MICAL3: variants seen among roughly 807,000 people sequenced by gnomAD.
MICAL3 encodes microtubule associated monooxygenase, calponin and LIM domain containing 3.
Under a neutral mutation model 207.4 loss-of-function variants are expected in MICAL3, and 62 were observed. That is an observed-to-expected ratio of 0.30 (90% CI 0.24 to 0.37). MICAL3 has a LOEUF of 0.37. MICAL3 is among the 10% of genes least tolerant of loss of function. The pLI, the probability that MICAL3 is intolerant of heterozygous loss-of-function variation, is 1.00. For missense variants in MICAL3, 2,368 were observed against 2,635.6 expected (o/e 0.90, Z 2.22); for synonymous variants, 1,077 against 1,069.3 (o/e 1.01, Z -0.14).
chr22:17,924,340 C>T (rs893218886), intron 1 of MICAL3, among the ~76,000 whole-genome samples: 1 of 152,168 alleles, frequency 6.6e-6, no homozygotes, highest in South Asian at 2.1e-4. Context: ...TCTCACCCCT[C>T]GGACCAGTTC....
chr22:17,794,471 G>A (rs770892479), intron 29 of MICAL3, among the ~76,000 whole-genome samples: 5 of 152,254 alleles, frequency 3.3e-5, no homozygotes, highest in Admixed American at 2.0e-4. Context: ...CACGCCATCC[G>A]GTGACGGGCC....
chr22:17,806,422 T>C (rs1224118943), intron 29 of MICAL3, among the ~76,000 whole-genome samples: 1 of 150,672 alleles, frequency 6.6e-6, no homozygotes, highest in Non-Finnish European at 1.5e-5. Flanking sequence ...GAATAGGAAC[T>C]GCTGTTAGAT....
chr22:17,961,409 C>T (rs1230033606), intron 1 of MICAL3, among the ~76,000 whole-genome samples: 1 of 152,174 alleles, frequency 6.6e-6, no homozygotes, highest in Non-Finnish European at 1.5e-5. Flanking sequence ...GCGTCAGCCC[C>T]GGGCAACAGA....
intron 17 of MICAL3, among the ~76,000 whole-genome samples, chr22:17,870,428 G>A (rs1319749255): frequency 6.6e-6 from 1 of 152,106 alleles, no homozygotes; most frequent in African/African-American, 2.4e-5. Context: ...CTCTTCATGG[G>A]TCTCATCCCC....
chr22:17,895,607 G>C (rs1930759254), intron 9 of MICAL3, among the ~76,000 whole-genome samples, 197 bp from the exon 10 acceptor site: 2 of 151,914 alleles, frequency 1.3e-5, no homozygotes, highest in South Asian at 2.1e-4. Context: ...AACCGACCGG[G>C]TAAGAGCCGA....
intron 27 of MICAL3, among the ~76,000 whole-genome samples, chr22:17,816,431 A>G (rs2277831): frequency 0.33 from 49,523 of 152,194 alleles, 8,441 homozygotes; most frequent in African/African-American, 0.35. Flanking sequence ...GGAGTGTGAC[A>G]CAGGAATGGC....
At chr22:18,001,269 C>T (rs1922979883) in intron 1 of MICAL3, 1 of 152,066 alleles carries the variant, frequency 6.6e-6, no homozygotes, top group South Asian at 2.1e-4. Context: ...CTCGCGGGGC[C>T]ACCCGCTCCA....
intron 1 of MICAL3, among the ~76,000 whole-genome samples, chr22:17,995,997 C>CA (rs1302902809): frequency 1.3e-5 from 2 of 151,756 alleles, no homozygotes; most frequent in East Asian, 3.9e-4. Context: ...CCCATCTCTA[C>CA]AAAAAATTTT....
chr22:17,865,083 A>G, intron 18 of MICAL3, 97 bp from the exon 19 acceptor site: 1 of 795,874 alleles, frequency 1.3e-6, no homozygotes. Context: ...GCTGGTTTTA[A>G]ATTTTATTTA....
intron 19 of MICAL3, among the ~76,000 whole-genome samples, chr22:17,846,826 G>A (rs1180840158): frequency 6.6e-6 from 1 of 152,144 alleles, no homozygotes; most frequent in African/African-American, 2.4e-5. Flanking sequence ...CAGGTCACAG[G>A]GAGGCCAATT....
intron 1 of MICAL3, among the ~76,000 whole-genome samples, chr22:18,013,121 G>A (rs1923850209): frequency 1.3e-5 from 2 of 152,142 alleles, no homozygotes; most frequent in South Asian, 2.1e-4. Flanking sequence ...GAAAACAACC[G>A]GAGCTGCTTC....
chr22:17,810,377 T>C (rs2062034885), intron 28 of MICAL3, among the ~76,000 whole-genome samples: 2 of 152,108 alleles, frequency 1.3e-5, no homozygotes, highest in South Asian at 2.1e-4. Context: ...TTTGTTTTTT[T>C]AGTAGAGACG....
At chr22:17,998,085 T>C (rs2146480007) in intron 1 of MICAL3, among the ~76,000 whole-genome samples, 1 of 149,818 alleles carries the variant, frequency 6.7e-6, no homozygotes, top group South Asian at 2.1e-4. Context: ...GTGAATCACC[T>C]GAGGTCAGGA....
intron 16 of MICAL3, among the ~76,000 whole-genome samples, chr22:17,873,797 C>T (rs1361749582): frequency 1.3e-5 from 2 of 152,258 alleles, no homozygotes; most frequent in Non-Finnish European, 2.9e-5. Context: ...CCCGCCTTGA[C>T]CTGTCCCGAG....
chr22:18,023,308 G>A (rs953985960), intron 1 of MICAL3, among the ~76,000 whole-genome samples: 2 of 152,120 alleles, frequency 1.3e-5, no homozygotes, highest in Non-Finnish European at 2.9e-5. Flanking sequence ...AGAATCTCCA[G>A]GGATTGGACC....
chr22:17,822,458 A>C (rs550352893), intron 23 of MICAL3, among the ~76,000 whole-genome samples: 116 of 152,296 alleles, frequency 7.6e-4, no homozygotes, highest in African/African-American at 2.7e-3. Context: ...TGCGACAGAC[A>C]AAGACAGGGT....
At chr22:17,907,311 A>G (rs1175100298) in intron 1 of MICAL3, among the ~76,000 whole-genome samples, 1 of 152,190 alleles carries the variant, frequency 6.6e-6, no homozygotes, top group Non-Finnish European at 1.5e-5. Flanking sequence ...GGTGTAGGAC[A>G]TGGGAAAGTG....
rs141254398 is a variant in MICAL3, at chr22:17,829,229, C to T, written c.3056-1448G>A. Among the ~76,000 whole-genome samples, 144 of 150,908 alleles carry T rather than the reference C, an allele frequency of 9.5e-4. 1 individual carries two copies. The highest frequency in any genetic ancestry group is 2.9e-3 in the African/African-American group (120 of 40,974). On this transcript the variant is annotated intron_variant, in intron 21 of 31. Coordinates refer to ENST00000441493, the MANE Select transcript of MICAL3 (RefSeq NM_015241.3). Reference sequence around the variant, plus strand: ...TTGCCCAGGCTAGAGTGCAATGGCACGATCTCAGCTCACCGCAACCTCCGC... The same window carrying T: ...TTGCCCAGGCTAGAGTGCAATGGCATGATCTCAGCTCACCGCAACCTCCGC...
intron 1 of MICAL3, among the ~76,000 whole-genome samples, chr22:17,934,623 G>C (rs1933429409): frequency 6.6e-6 from 1 of 152,174 alleles, no homozygotes; most frequent in African/African-American, 2.4e-5. Flanking sequence ...TCAGGCAAGA[G>C]AAAGAAATAA....
Sources: allele counts gnomAD v4.1 joint callset (sites outside exome capture counted in the v4.1 genomes callset), GRCh38; gene constraint gnomAD v4.1.1; transcripts MANE v1.5; gene names NCBI Gene and HGNC (gene_info 2026-07-23, HGNC 2026-07-21).